Variants in CYTIP observed in about 807,000 individuals in gnomAD.
The protein encoded by CYTIP is cytohesin 1 interacting protein.
In CYTIP, 26 loss-of-function variants were observed where a neutral mutation model predicts 43.8. The observed-to-expected ratio is 0.59, with a 90% CI of 0.44 to 0.82. CYTIP has a LOEUF of 0.82. Ranked by LOEUF, CYTIP falls within the 40% of genes least tolerant of loss-of-function variation. The pLI is 0.00. For synonymous variants in CYTIP, 162 were observed against 162.9 expected, an observed-to-expected ratio of 0.99 and a Z score of 0.04; for missense variants, 426 against 443.1, an observed-to-expected ratio of 0.96 and a Z score of 0.35.
intron 6 of CYTIP, among the ~76,000 whole-genome samples, chr2:157,422,893 A>T (rs1309597445): frequency 6.6e-6 from 1 of 152,088 alleles, no homozygotes; most frequent in East Asian, 1.9e-4. Flanking sequence ...ACAGCTAGCA[A>T]GAACATTTCT....
intron 6 of CYTIP, among the ~76,000 whole-genome samples, chr2:157,422,320 G>C (rs1206945474): frequency 1.3e-5 from 2 of 152,130 alleles, no homozygotes; most frequent in Non-Finnish European, 2.9e-5. Context: ...TGATAAAAAA[G>C]ATAATAAAAT....
rs114578968 is a variant in CYTIP, at chr2:157,437,150, G to C, written c.175-2403C>G. On this transcript the variant is annotated intron_variant, in intron 1 of 7. Transcript: ENST00000264192. ...ATAGGGGAAAGGCTTTAGCATATTG[G>C]ATTGGGAAAAAATTTTATGAATAAG... is the stretch of plus-strand genomic sequence containing the variant. Among the ~76,000 whole-genome samples, 932 of 152,134 alleles carry C rather than the reference G, an allele frequency of 6.1e-3. 7 individuals are homozygous for C. The highest frequency in any genetic ancestry group is 0.017 in the South Asian group (83 of 4,824).
intron 6 of CYTIP, among the ~76,000 whole-genome samples, chr2:157,425,228 A>G (rs1685584349): frequency 6.6e-6 from 1 of 152,152 alleles, no homozygotes; most frequent in Non-Finnish European, 1.5e-5. Flanking sequence ...TACCTATCAA[A>G]ACTCTCTTCC....
chr2:157,430,691 G>A, intron 4 of CYTIP, 39 bp from the exon 5 acceptor site: 1 of 1,575,624 alleles, frequency 6.3e-7, no homozygotes, highest in Non-Finnish European at 8.7e-7. Context: ...ATGTTGGTTA[G>A]TTAAATAATC....
intron 1 of CYTIP, among the ~76,000 whole-genome samples, chr2:157,437,506 G>T (rs113704612): frequency 0.037 from 5,566 of 151,984 alleles, 186 homozygotes; most frequent in African/African-American, 0.088. Flanking sequence ...TTCAAGATCA[G>T]CCTGGCCAAC....
chr2:157,430,359 C>A (rs977275750), intron 5 of CYTIP, among the ~76,000 whole-genome samples, 200 bp downstream of exon 5: 3 of 152,192 alleles, frequency 2.0e-5, no homozygotes, highest in African/African-American at 7.2e-5. Flanking sequence ...CCTCTGACTT[C>A]AGATGTTGAC....
intron 7 of CYTIP, among the ~76,000 whole-genome samples, chr2:157,416,407 T>C (rs576462450): frequency 6.6e-6 from 1 of 152,324 alleles, no homozygotes; most frequent in East Asian, 1.9e-4. Flanking sequence ...ACAAGATGTT[T>C]CATATGAGAA....
At chr2:157,416,725 C>A (rs1460114835) in intron 7 of CYTIP, among the ~76,000 whole-genome samples, 1 of 152,174 alleles carries the variant, frequency 6.6e-6, no homozygotes, top group African/African-American at 2.4e-5. Flanking sequence ...TATCTTCCAA[C>A]CTCAATATTC....
intron 3 of CYTIP, among the ~76,000 whole-genome samples, chr2:157,431,170 G>A (rs1685709431): frequency 6.6e-6 from 1 of 152,188 alleles, no homozygotes; most frequent in African/African-American, 2.4e-5. Flanking sequence ...CATCTGTCAT[G>A]AGAAAGAAAG....
intron 1 of CYTIP, among the ~76,000 whole-genome samples, chr2:157,437,464 G>A (rs777153711): frequency 6.6e-6 from 1 of 152,060 alleles, no homozygotes; most frequent in Non-Finnish European, 1.5e-5. Context: ...ACTTTGGGAG[G>A]CCAAGGAGGG....
intron 5 of CYTIP, among the ~76,000 whole-genome samples, chr2:157,430,298 A>G (rs76753509): frequency 0.072 from 10,997 of 152,238 alleles, 507 homozygotes; most frequent in Admixed American, 0.12. Flanking sequence ...CATTAAAAAA[A>G]TACATTTGTA....
At chr2:157,418,844 T>C (rs1362293746) in intron 6 of CYTIP, among the ~76,000 whole-genome samples, 5 of 152,148 alleles carry the variant, frequency 3.3e-5, no homozygotes, top group Non-Finnish European at 7.4e-5. Flanking sequence ...AAAATATACT[T>C]TTATTTAAAC....
At chr2:157,431,757 A>T (rs115457942) in intron 3 of CYTIP, among the ~76,000 whole-genome samples, 1,612 of 152,338 alleles carry the variant, frequency 0.011, 34 homozygotes, top group African/African-American at 0.037. Context: ...CAGTGTTCTG[A>T]GTAGAGTACG....
rs184691957 is a variant in CYTIP, at chr2:157,432,119, A to C, written c.280-1157T>G. ...AAGACTGATCTAGTTCATGTGGTAC[A>C]TGAATAAAATATACAACTGACACTC... On this transcript the variant is annotated intron_variant, in intron 3 of 7. Coordinates refer to ENST00000264192, the MANE Select transcript of CYTIP (RefSeq NM_004288.5). Among the ~76,000 whole-genome samples, 33 of 152,292 alleles carry C rather than the reference A, an allele frequency of 2.2e-4. No homozygotes were observed. In the East Asian group the frequency reaches 3.7e-3, roughly 17 times the overall value.
At chr2:157,441,744 A>G (rs1685922523) in intron 1 of CYTIP, among the ~76,000 whole-genome samples, 1 of 152,200 alleles carries the variant, frequency 6.6e-6, no homozygotes, top group East Asian at 1.9e-4. Flanking sequence ...CTGGCTTAAA[A>G]CCAGATGTGA....
intron 1 of CYTIP, among the ~76,000 whole-genome samples, chr2:157,437,464 G>T (rs777153711): frequency 2.6e-5 from 4 of 152,060 alleles, no homozygotes; most frequent in Non-Finnish European, 5.9e-5. Context: ...ACTTTGGGAG[G>T]CCAAGGAGGG....
At position 157,434,812 on chromosome 2, in the gene CYTIP, A is replaced by ATC. The variant is rs113065609; in HGVS notation, c.175-67_175-66dup. Reference sequence around the variant, plus strand: ...CAAGATACACTGTAAAATGTTCTAAATCTCTCTCTCTCTCTCTCTCTCTCT... The same window carrying ATC: ...CAAGATACACTGTAAAATGTTCTAAATCTCTCTCTCTCTCTCTCTCTCTCTCT... On this transcript the variant is annotated intron_variant, in intron 1 of 7. Coordinates refer to ENST00000264192, the MANE Select transcript of CYTIP (RefSeq NM_004288.5). 630 of 415,432 alleles carry ATC rather than the reference A, an allele frequency of 1.5e-3. 4 individuals are homozygous for ATC. Among genetic ancestry groups the ATC allele is most frequent in the East Asian group, 6.7e-3 (105 of 15,720 alleles). The allele number at this position is 415,432 out of a possible 1,614,324, so 25.7% of individuals were successfully genotyped here. A position where few individuals can be genotyped will look rare whatever the true frequency, so the allele number is the denominator to read the frequency against.
At chr2:157,434,812 ATCTCTCTCTCTCTCTCTC>A (rs113065609) in intron 1 of CYTIP, 65 bp from the exon 2 acceptor site, 6 of 415,500 alleles carry the variant, frequency 1.4e-5, no homozygotes, top group Non-Finnish European at 1.8e-5. Flanking sequence ...AATGTTCTAA[ATCTCTCTCTCTCTCTCTC>A]TCTCTCTCTC....
At chr2:157,416,214 C>T in intron 7 of CYTIP, 71 bp from the exon 8 acceptor site, 1 of 1,265,542 alleles carries the variant, frequency 7.9e-7, no homozygotes, top group South Asian at 1.5e-5. Context: ...TACATCAAAA[C>T]TTCTCTTTGA....
Sources: allele counts gnomAD v4.1 joint callset (sites outside exome capture counted in the v4.1 genomes callset), GRCh38; gene constraint gnomAD v4.1.1; transcripts MANE v1.5; gene names NCBI Gene and HGNC (gene_info 2026-07-23, HGNC 2026-07-21).